GYS2: variants seen among roughly 807,000 people sequenced by gnomAD.
The protein encoded by GYS2 is glycogen synthase 2.
Under a neutral mutation model 85.6 loss-of-function variants are expected in GYS2, and 80 were observed. The ratio of observed to expected loss-of-function variants is 0.93; its 90% CI spans 0.78 to 1.13. The LOEUF is 1.13. GYS2 is among the 50% of genes most tolerant of loss of function. The pLI, the probability that GYS2 is intolerant of heterozygous loss-of-function variation, is 0.00. For synonymous variants in GYS2, 328 were observed against 300.7 expected (o/e 1.09, Z -0.94); for missense variants, 881 against 854.9 (o/e 1.03, Z -0.38).
chr12:21,598,285 T>TGCATGTAACAAAATGTC (rs1414849477), intron 1 of GYS2, among the ~76,000 whole-genome samples: 1 of 152,112 alleles, frequency 6.6e-6, no homozygotes, highest in Non-Finnish European at 1.5e-5. Flanking sequence ...ATACATTATA[T>TGCATGTAACAAAATGTC]GCATGTAACA....
At chr12:21,560,222 C>T (rs182959098) in intron 8 of GYS2, among the ~76,000 whole-genome samples, 164 bp downstream of exon 8, 21 of 152,158 alleles carry the variant, frequency 1.4e-4, no homozygotes, top group East Asian at 1.2e-3. Context: ...ATAACCATTA[C>T]GATAACCTAA....
intron 11 of GYS2, among the ~76,000 whole-genome samples, chr12:21,553,420 A>C (rs1235417165): frequency 6.6e-6 from 1 of 152,228 alleles, no homozygotes; most frequent in African/African-American, 2.4e-5. Flanking sequence ...TTACTTCTAG[A>C]GATCTTAGCC....
At chr12:21,561,065 A>G (rs1357343540) in intron 7 of GYS2, among the ~76,000 whole-genome samples, 1 of 152,196 alleles carries the variant, frequency 6.6e-6, no homozygotes. Context: ...CCTAAAGCAA[A>G]GAAACAAGCA....
intron 11 of GYS2, among the ~76,000 whole-genome samples, chr12:21,549,269 G>A (rs969101314): frequency 2.0e-5 from 3 of 152,132 alleles, no homozygotes; most frequent in Non-Finnish European, 4.4e-5. Context: ...AGGGGTTATT[G>A]AAAATAAGTG....
At chr12:21,586,412 T>C (rs1011221898) in intron 1 of GYS2, among the ~76,000 whole-genome samples, 16 of 140,062 alleles carry the variant, frequency 1.1e-4, no homozygotes, top group Non-Finnish European at 1.7e-4. Context: ...CTTTTATATC[T>C]AAATCTATAT....
chr12:21,546,635 G>A (rs887084963), intron 11 of GYS2, among the ~76,000 whole-genome samples, 165 bp from the exon 12 acceptor site: 1 of 152,140 alleles, frequency 6.6e-6, no homozygotes. Flanking sequence ...AGCCGTGGTG[G>A]TTTGTTCTCC....
intron 11 of GYS2, among the ~76,000 whole-genome samples, chr12:21,557,279 T>C (rs904641720): frequency 4.6e-5 from 7 of 152,204 alleles, no homozygotes; most frequent in South Asian, 2.1e-4. Flanking sequence ...TTGTCTTCAA[T>C]ATCCAAAACC....
intron 3 of GYS2, 66 bp from the exon 4 acceptor site, chr12:21,574,392 C>CTT: frequency 2.5e-6 from 3 of 1,187,942 alleles, no homozygotes; most frequent in Non-Finnish European, 2.5e-6. Flanking sequence ...TCATGGTCCA[C>CTT]ATCATAAGTG....
At chr12:21,571,838 T>A (rs771269993) in intron 4 of GYS2, among the ~76,000 whole-genome samples, 2 of 152,036 alleles carry the variant, frequency 1.3e-5, no homozygotes, top group Non-Finnish European at 2.9e-5. Context: ...TGTGCGTGCC[T>A]GTAGTCCCAC....
At chr12:21,592,236 A>T (rs951509201) in intron 1 of GYS2, among the ~76,000 whole-genome samples, 2 of 152,042 alleles carry the variant, frequency 1.3e-5, no homozygotes, top group Non-Finnish European at 2.9e-5. Context: ...AAACTAAAAA[A>T]AAAACAAAAC....
At chr12:21,561,399 G>C (rs988047179) in intron 7 of GYS2, among the ~76,000 whole-genome samples, 1 of 152,114 alleles carries the variant, frequency 6.6e-6, no homozygotes, top group South Asian at 2.1e-4. Context: ...GCACTTTACC[G>C]TCTAGTATGC....
At chr12:21,547,150 T>G (rs1944052047) in intron 11 of GYS2, among the ~76,000 whole-genome samples, 1 of 152,164 alleles carries the variant, frequency 6.6e-6, no homozygotes, top group Non-Finnish European at 1.5e-5. Context: ...TTACTCAGAG[T>G]AAAAGCCAAA....
chr12:21,584,151 C>T (rs1944546330), intron 1 of GYS2, among the ~76,000 whole-genome samples: 1 of 152,220 alleles, frequency 6.6e-6, no homozygotes, highest in South Asian at 2.1e-4. Context: ...GTTGGCAGAA[C>T]TTTGAGCAGT....
At chr12:21,569,408 T>G (rs16915464) in intron 4 of GYS2, among the ~76,000 whole-genome samples, 3,599 of 152,286 alleles carry the variant, frequency 0.024, 156 homozygotes, top group African/African-American at 0.081. Flanking sequence ...GACATTAAAG[T>G]TGACATCGAA....
chr12:21,542,275 C>G (rs1375395476), intron 13 of GYS2, among the ~76,000 whole-genome samples: 4 of 152,132 alleles, frequency 2.6e-5, no homozygotes, highest in Non-Finnish European at 4.4e-5. Flanking sequence ...GTCTCGAACC[C>G]CTGACCTCAA....
intron 1 of GYS2, among the ~76,000 whole-genome samples, chr12:21,585,945 T>C (rs1334340826): frequency 6.6e-6 from 1 of 152,174 alleles, no homozygotes; most frequent in Non-Finnish European, 1.5e-5. Flanking sequence ...TTGTTGTCTT[T>C]ATTTGAAGAT....
intron 9 of GYS2, 39 bp downstream of exon 9, chr12:21,559,612 C>G (rs189151632): frequency 1.2e-5 from 13 of 1,075,412 alleles, no homozygotes; most frequent in African/African-American, 3.1e-5. Flanking sequence ...AATAGTGAAA[C>G]CTTAAGTGAT....
chr12:21,589,556 G>C (rs1038678814), intron 1 of GYS2, among the ~76,000 whole-genome samples: 3 of 152,184 alleles, frequency 2.0e-5, no homozygotes, highest in Non-Finnish European at 2.9e-5. Context: ...GAATTCAACA[G>C]AGAAGTGACA....
chr12:21,565,242 GAA>G (rs1200680195), intron 5 of GYS2, among the ~76,000 whole-genome samples: 1 of 151,102 alleles, frequency 6.6e-6, no homozygotes, highest in South Asian at 2.1e-4. Flanking sequence ...GAAAAAGAGA[GAA>G]AAAGAGAGAG....
Sources: allele counts gnomAD v4.1 joint callset (sites outside exome capture counted in the v4.1 genomes callset), GRCh38; gene constraint gnomAD v4.1.1; transcripts MANE v1.5; gene names NCBI Gene and HGNC (gene_info 2026-07-23, HGNC 2026-07-21).